The following ADGRL3 variants were observed in gnomAD, a reference collection of about 807,000 sequenced individuals.
ADGRL3 encodes the protein adhesion G protein-coupled receptor L3.
Under a neutral mutation model 153.5 loss-of-function variants are expected in ADGRL3, and 62 were observed. The observed-to-expected ratio is 0.40, with a 90% CI of 0.33 to 0.50. ADGRL3 has a LOEUF of 0.50. Ranked by LOEUF, ADGRL3 falls within the 20% of genes least tolerant of loss-of-function variation. The pLI is 0.47. For synonymous variants in ADGRL3, 710 were observed against 672.5 expected (o/e 1.06, Z -0.86); for missense variants, 1,641 against 1,859.4 (o/e 0.88, Z 2.16).
At chr4:61,878,492 A>G (rs976316241) in intron 9 of ADGRL3, among the ~76,000 whole-genome samples, 8 of 152,218 alleles carry the variant, frequency 5.3e-5, no homozygotes, top group East Asian at 1.9e-4. Context: ...CTGTAAGTCT[A>G]TAAGTATTTT....
At chr4:61,874,787 C>CTTTTT (rs1561398139) in intron 9 of ADGRL3, among the ~76,000 whole-genome samples, 1 of 88,588 alleles carries the variant, frequency 1.1e-5, no homozygotes, top group African/African-American at 4.1e-5. Flanking sequence ...CATCAAAATG[C>CTTTTT]TCTTTTTTTT....
intron 9 of ADGRL3, among the ~76,000 whole-genome samples, chr4:61,864,923 T>TTTG (rs1193543704): frequency 3.9e-5 from 6 of 152,142 alleles, no homozygotes; most frequent in Non-Finnish European, 8.8e-5. Flanking sequence ...TTAATTGTAT[T>TTTG]TTGTTGTTGT....
At chr4:61,757,349 G>A (rs906744876) in intron 8 of ADGRL3, among the ~76,000 whole-genome samples, 1 of 152,160 alleles carries the variant, frequency 6.6e-6, no homozygotes, top group African/African-American at 2.4e-5. Context: ...TTAGTCTTGG[G>A]AGGGTGTATG....
At position 61,652,774 on chromosome 4, in the gene ADGRL3, G is replaced by A. The variant is rs576746775; in HGVS notation, c.474-24052G>A. 2.0e-5 allele frequency among the ~76,000 whole-genome samples: 3 copies of A among 152,194 alleles called. No individual in the cohort carries two copies. In the East Asian group the frequency reaches 5.8e-4, roughly 29 times the overall value. Reference sequence around the variant, plus strand: ...ACCACTTTTTCCCCCTGTAAGAACAGGTTTCATAAAACTGCTATTAATAGA... The same window carrying A: ...ACCACTTTTTCCCCCTGTAAGAACAAGTTTCATAAAACTGCTATTAATAGA... On this transcript the variant is annotated intron_variant, in intron 5 of 26. Transcript: ENST00000683033.
At chr4:61,323,420 T>C (rs2095405113) in intron 1 of ADGRL3, among the ~76,000 whole-genome samples, 1 of 151,964 alleles carries the variant, frequency 6.6e-6, no homozygotes, top group Non-Finnish European at 1.5e-5. Flanking sequence ...TATTGCATTG[T>C]CAGGCTGCAA....
intron 8 of ADGRL3, among the ~76,000 whole-genome samples, chr4:61,790,705 A>T (rs926647618): frequency 6.6e-6 from 1 of 152,322 alleles, no homozygotes; most frequent in South Asian, 2.1e-4. Flanking sequence ...GACTGTTCTC[A>T]TGCTGCTGAT....
intron 2 of ADGRL3, among the ~76,000 whole-genome samples, chr4:61,392,341 T>C (rs1183740473): frequency 6.6e-6 from 1 of 152,014 alleles, no homozygotes; most frequent in African/African-American, 2.4e-5. Flanking sequence ...AAAGCTCACG[T>C]CAAGTGCCCT....
At chr4:61,347,129 A>G (rs2095933634) in intron 1 of ADGRL3, among the ~76,000 whole-genome samples, 1 of 152,188 alleles carries the variant, frequency 6.6e-6, no homozygotes, top group African/African-American at 2.4e-5. Flanking sequence ...GAGTGTGCTC[A>G]GAACCTTAAG....
intron 4 of ADGRL3, among the ~76,000 whole-genome samples, chr4:61,527,462 C>T (rs1179967639): frequency 6.6e-6 from 1 of 152,030 alleles, no homozygotes; most frequent in Non-Finnish European, 1.5e-5. Context: ...TTGTATTTCT[C>T]CCATCTTTAA....
At chr4:61,809,911 T>C (rs1194870633) in intron 8 of ADGRL3, among the ~76,000 whole-genome samples, 1 of 152,134 alleles carries the variant, frequency 6.6e-6, no homozygotes. Flanking sequence ...AGAATGCCCT[T>C]ATGAGGTCAG....
At chr4:61,538,585 A>G (rs1437625511) in intron 4 of ADGRL3, among the ~76,000 whole-genome samples, 2 of 151,992 alleles carry the variant, frequency 1.3e-5, no homozygotes, top group African/African-American at 4.8e-5. Context: ...GATTACAGGC[A>G]TGCACCACCA....
At chr4:61,363,365 A>G (rs1016438725) in intron 1 of ADGRL3, among the ~76,000 whole-genome samples, 1 of 150,206 alleles carries the variant, frequency 6.7e-6, no homozygotes, top group African/African-American at 2.4e-5. Flanking sequence ...ATTTTTAAAT[A>G]TTTGGTAGAG....
intron 9 of ADGRL3, among the ~76,000 whole-genome samples, chr4:61,859,120 G>T (rs1238113333): frequency 6.6e-6 from 1 of 152,052 alleles, no homozygotes; most frequent in African/African-American, 2.4e-5. Context: ...ACTCATCCCA[G>T]CCTTCTTTGT....
chr4:61,545,974 T>G (rs1361471134), intron 4 of ADGRL3, among the ~76,000 whole-genome samples: 1 of 152,242 alleles, frequency 6.6e-6, no homozygotes. Flanking sequence ...ATCTAAGGAC[T>G]GTGCTGTCCC....
intron 9 of ADGRL3, among the ~76,000 whole-genome samples, chr4:61,857,221 T>A (rs758057207): frequency 5.3e-5 from 8 of 151,818 alleles, no homozygotes; most frequent in African/African-American, 1.9e-4. Flanking sequence ...CATGAGCCAC[T>A]GTGTCTGGCC....
intron 2 of ADGRL3, among the ~76,000 whole-genome samples, chr4:61,471,399 CATAG>C (rs1315252129): frequency 2.0e-5 from 3 of 151,220 alleles, no homozygotes; most frequent in Non-Finnish European, 4.4e-5. Flanking sequence ...TTTTCAGTTA[CATAG>C]ATGGAAGTGA....
chr4:61,753,757 G>T (rs1013036599), intron 8 of ADGRL3, among the ~76,000 whole-genome samples: 1 of 152,110 alleles, frequency 6.6e-6, no homozygotes, highest in Non-Finnish European at 1.5e-5. Flanking sequence ...AGACTAATTT[G>T]ATAGCAAAAT....
intron 3 of ADGRL3, among the ~76,000 whole-genome samples, chr4:61,514,135 A>G (rs1204244275): frequency 1.3e-5 from 2 of 152,208 alleles, no homozygotes; most frequent in Non-Finnish European, 2.9e-5. Context: ...TTTGTAGCCC[A>G]TGTATTCAAT....
At chr4:61,318,210 A>AAAAAAAAAAC (rs1560467266) in intron 1 of ADGRL3, among the ~76,000 whole-genome samples, 2 of 136,466 alleles carry the variant, frequency 1.5e-5, no homozygotes, top group African/African-American at 2.7e-5. Context: ...AAAAAAAAAA[A>AAAAAAAAAAC]AAAACACAAA....
Sources: allele counts gnomAD v4.1 joint callset (sites outside exome capture counted in the v4.1 genomes callset), GRCh38; gene constraint gnomAD v4.1.1; transcripts MANE v1.5; gene names NCBI Gene and HGNC (gene_info 2026-07-23, HGNC 2026-07-21).